Variants in DNAH14 observed in about 807,000 individuals in gnomAD.
DNAH14 encodes the protein axonemal beta dynein heavy chain 14.
Under a neutral mutation model 520.9 loss-of-function variants are expected in DNAH14, and 478 were observed. The ratio of observed to expected loss-of-function variants is 0.92; its 90% CI spans 0.85 to 0.99. The LOEUF (loss-of-function observed/expected upper bound fraction) is 0.99. Among genes scored for constraint, DNAH14 ranks in the 50% least tolerant of loss-of-function variants. The probability of loss-of-function intolerance (pLI) is 0.00; values close to 1 mark genes in which losing one functional copy is unlikely to be tolerated. For missense variants in DNAH14, 4,831 were observed against 5,234.5 expected (o/e 0.92, Z 2.38); for synonymous variants, 1,581 against 1,757.2 (o/e 0.90, Z 2.51).
At chr1:225,188,104 C>T (rs772401387) in intron 37 of DNAH14, among the ~76,000 whole-genome samples, 7 of 151,868 alleles carry the variant, frequency 4.6e-5, no homozygotes, top group Admixed American at 1.3e-4. Flanking sequence ...TTTCCTTATA[C>T]CACAATAGAT....
chr1:225,168,326 C>G (rs762938415), intron 36 of DNAH14, among the ~76,000 whole-genome samples: 1 of 152,052 alleles, frequency 6.6e-6, no homozygotes, highest in Non-Finnish European at 1.5e-5. Flanking sequence ...TGCAGTGCAG[C>G]GAGCGTGAGC....
intron 11 of DNAH14, 133 bp from the exon 12 acceptor site, chr1:225,038,561 C>T: frequency 1.3e-6 from 1 of 741,716 alleles, no homozygotes; most frequent in Non-Finnish European, 2.1e-6. Context: ...ATCTTCTTTG[C>T]AGAAAGGTCT....
chr1:225,263,958 G>T (rs1359660959), intron 46 of DNAH14, among the ~76,000 whole-genome samples: 3 of 152,008 alleles, frequency 2.0e-5, no homozygotes, highest in Non-Finnish European at 2.9e-5. Flanking sequence ...ATATCTAACT[G>T]TCTGGCATCC....
At chr1:225,168,984 C>A (rs982115470) in intron 36 of DNAH14, among the ~76,000 whole-genome samples, 5 of 152,308 alleles carry the variant, frequency 3.3e-5, no homozygotes, top group African/African-American at 1.2e-4. Flanking sequence ...GCAACATCTG[C>A]TGTTCCCCAA....
chr1:224,990,016 T>G (rs1052378740), intron 8 of DNAH14, among the ~76,000 whole-genome samples: 1 of 146,070 alleles, frequency 6.8e-6, no homozygotes, highest in African/African-American at 2.6e-5. Context: ...TGTGTTGTTG[T>G]TTTTTTTTTA....
At chr1:225,391,189 T>C (rs1466983960) in intron 83 of DNAH14, among the ~76,000 whole-genome samples, 1 of 152,144 alleles carries the variant, frequency 6.6e-6, no homozygotes, top group Non-Finnish European at 1.5e-5. Flanking sequence ...GCTGACTCCA[T>C]CCTGTGGCAG....
chr1:224,965,374 A>C (rs1183346377), intron 5 of DNAH14, among the ~76,000 whole-genome samples: 2 of 152,082 alleles, frequency 1.3e-5, no homozygotes, highest in South Asian at 2.1e-4. Flanking sequence ...TCAGCTCTCC[A>C]CATGATTCTA....
intron 8 of DNAH14, among the ~76,000 whole-genome samples, chr1:224,982,583 G>T (rs115368268): frequency 1.1e-3 from 171 of 151,622 alleles, no homozygotes; most frequent in African/African-American, 4.0e-3. Context: ...GTCATTTAGG[G>T]CTACAAACCT....
intron 43 of DNAH14, among the ~76,000 whole-genome samples, chr1:225,241,648 G>C (rs964263955): frequency 6.6e-6 from 1 of 152,152 alleles, no homozygotes; most frequent in Non-Finnish European, 1.5e-5. Flanking sequence ...CTACAAATAT[G>C]TACAGCATGT....
intron 1 of DNAH14, among the ~76,000 whole-genome samples, chr1:224,945,765 T>C (rs1407575027): frequency 6.6e-6 from 1 of 152,294 alleles, no homozygotes; most frequent in Non-Finnish European, 1.5e-5. Context: ...CTCCAGACCC[T>C]GTTTGCCTGG....
Position 225,380,318 on chromosome 1 carries a change from C to A in DNAH14, c.12876C>A (p.Leu4292=). ...SSIWESLSKN[L]KDHDPLIHCV... is the part of the protein sequence containing the mutation. Reference sequence around the variant, plus strand: ...TTTGGGAGTCTCTTTCTAAAAATCTCAAAGGTGAGCATGGGACAGGAGCTT... The same window carrying A: ...TTTGGGAGTCTCTTTCTAAAAATCTAAAAGGTGAGCATGGGACAGGAGCTT... Residue 4292 remains leucine (L), a synonymous_variant, in exon 80 of 86, where the codon CTC becomes CTA. Coordinates refer to ENST00000682510, the MANE Select transcript of DNAH14 (RefSeq NM_001367479.1). The A allele has an allele frequency of 1.3e-6, 2 of 1,550,898 alleles. No individual in the cohort carries two copies. The highest frequency in any genetic ancestry group is 2.4e-5 in the South Asian group (2 of 83,936).
At chr1:224,949,251 A>C (rs189119107) in intron 1 of DNAH14, among the ~76,000 whole-genome samples, 28 of 152,250 alleles carry the variant, frequency 1.8e-4, no homozygotes, top group Admixed American at 1.8e-3. Flanking sequence ...TAAGTAATCT[A>C]TCTGTAGTAC....
intron 6 of DNAH14, 24 bp from the exon 7 acceptor site, chr1:224,968,735 A>C: frequency 7.7e-7 from 1 of 1,293,770 alleles, no homozygotes; most frequent in Admixed American, 3.5e-5. Flanking sequence ...AAATAAAATA[A>C]TGCTTTTGTG....
rs776136172 is a variant in DNAH14, at chr1:225,331,481, C to T, written c.9768C>T (p.Thr3256=). 9 of 1,551,070 alleles carry T rather than the reference C, an allele frequency of 5.8e-6. No homozygotes were observed. Among genetic ancestry groups the T allele is most frequent in the East Asian group, 2.4e-5 (1 of 40,894 alleles). The stretch of plus-strand genomic sequence containing the variant: ...TTTTACAGGCAGCTTACAAAGATAC[C>T]GTTGCTGAAAAACAACTATTAGCAA... ...LLFLQAAYKD[T]VAEKQLLANR... Residue 3256 remains threonine (T), a synonymous_variant, in exon 65 of 86, where the codon ACC becomes ACT. Coordinates refer to ENST00000682510, the MANE Select transcript of DNAH14 (RefSeq NM_001367479.1).
chr1:225,345,833 G>A (rs2095277973), intron 69 of DNAH14, 129 bp from the exon 70 acceptor site: 1 of 667,860 alleles, frequency 1.5e-6, no homozygotes, highest in East Asian at 2.8e-5. Flanking sequence ...TCATTTAAGA[G>A]CCCGTCTCTG....
At chr1:225,097,358 A>G in intron 22 of DNAH14, 119 bp downstream of exon 22, 2 of 933,600 alleles carry the variant, frequency 2.1e-6, no homozygotes, top group Non-Finnish European at 3.0e-6. Context: ...ACCTACAGAC[A>G]TAGGGGTATA....
intron 73 of DNAH14, among the ~76,000 whole-genome samples, chr1:225,357,494 T>C (rs2095443088): frequency 6.6e-6 from 1 of 152,178 alleles, no homozygotes; most frequent in Admixed American, 6.5e-5. Context: ...ACCTAATCAT[T>C]TGTTTCACTC....
intron 11 of DNAH14, among the ~76,000 whole-genome samples, chr1:225,026,745 C>T (rs1009523958): frequency 6.6e-6 from 1 of 152,046 alleles, no homozygotes. Context: ...TATTGTGGGT[C>T]CCTTGCATTT....
intron 11 of DNAH14, among the ~76,000 whole-genome samples, chr1:225,025,780 C>T (rs1175008921): frequency 1.3e-5 from 2 of 151,990 alleles, no homozygotes; most frequent in Non-Finnish European, 2.9e-5. Flanking sequence ...AATACCTATG[C>T]CATAATGTTG....
Sources: allele counts gnomAD v4.1 joint callset (sites outside exome capture counted in the v4.1 genomes callset), GRCh38; gene constraint gnomAD v4.1.1; transcripts MANE v1.5; gene names NCBI Gene and HGNC (gene_info 2026-07-23, HGNC 2026-07-21).